The following IDO2 variants were observed in gnomAD, a reference collection of about 807,000 sequenced individuals.
The protein encoded by IDO2 is indoleamine 2,3-dioxygenase 2.
A neutral mutation model predicts 45.1 loss-of-function variants in IDO2; 46 were observed. The observed-to-expected ratio is 1.02, with a 90% CI of 0.80 to 1.30. The LOEUF is 1.30. IDO2 is among the 50% of genes most tolerant of loss of function. IDO2 has a pLI of 0.00. For missense variants in IDO2, 544 were observed against 491.8 expected (o/e 1.11, Z -1.00); for synonymous variants, 218 against 184.9 (o/e 1.18, Z -1.45).
At chr8:39,934,923 G>C in exon 1 of IDO2, 1 of 584,210 alleles carries the variant, frequency 1.7e-6, no homozygotes, top group Non-Finnish European at 3.1e-6. Context: ...TGTCTGCAAA[G>C]TTGAGTCCAT....
intron 8 of IDO2, among the ~76,000 whole-genome samples, chr8:40,004,529 A>AGATAGAT (rs1554549472): frequency 3.6e-4 from 51 of 141,628 alleles, no homozygotes; most frequent in Admixed American, 1.1e-3. Flanking sequence ...GACAGATGAT[A>AGATAGAT]GATAGATAGA....
intron 1 of IDO2, among the ~76,000 whole-genome samples, chr8:39,939,898 C>G (rs568025724): frequency 6.6e-6 from 1 of 152,098 alleles, no homozygotes; most frequent in Non-Finnish European, 1.5e-5. Context: ...AAATGAGGTC[C>G]TAAAAAGTTA....
At chr8:39,935,621 T>G (rs907192690) in intron 1 of IDO2, among the ~76,000 whole-genome samples, 1 of 152,168 alleles carries the variant, frequency 6.6e-6, no homozygotes, top group East Asian at 1.9e-4. Flanking sequence ...TGCTAATTTT[T>G]GTACTTTTAG....
Position 39,979,159 on chromosome 8 carries a change from G to A in IDO2, c.288G>A (p.Trp96Ter), listed in dbSNP as rs888513292. 5 of 1,598,238 alleles carry A rather than the reference G, an allele frequency of 3.1e-6. No individual in the cohort carries two copies. In the South Asian group the frequency reaches 4.6e-5, roughly 15 times the overall value. ...GCTTCCTCACCATGGGTTATGTCTG[G>A]CAGGAAGGAGAGGCGCAGCCTGCAG... The change falls in exon 4 of 11, where the codon TGG (tryptophan) becomes TGA (stop). Residue 96 changes from tryptophan (W) to a stop codon, truncating the protein, a stop_gained. Transcript: ENST00000502986. LOFTEE classifies it high-confidence loss of function.
At chr8:39,940,950 C>G (rs892985099) in intron 1 of IDO2, among the ~76,000 whole-genome samples, 1 of 141,470 alleles carries the variant, frequency 7.1e-6, no homozygotes, top group Non-Finnish European at 1.5e-5. Context: ...AAAACTTTGG[C>G]TGGGCGCGGT....
Position 39,944,737 on chromosome 8 carries a change from G to A in IDO2, c.-17-4412G>A, listed in dbSNP as rs374716163. ...TTAACTTTTTGCCTAATTTATTTCT[G>A]TAAAATTGTTTTAACTGGACCCCCC... On this transcript the variant is annotated intron_variant, in intron 1 of 10. Transcript: ENST00000502986. Among the ~76,000 whole-genome samples the A allele has an allele frequency of 2.3e-4, 35 of 152,110 alleles. No homozygotes were observed. The South Asian group carries it at 7.3e-3, about 32-fold the overall frequency.
Position 40,015,365 on chromosome 8 carries a change from G to A in IDO2, c.987G>A (p.Leu329=), listed in dbSNP as rs764718999. 9.3e-5 allele frequency: 150 copies of A among 1,613,840 alleles called. 2 individuals carry two copies. The East Asian group carries it at 3.3e-3, about 36-fold the overall frequency. The change falls in exon 11 of 11, where the codon TTG becomes TTA. Residue 329 remains leucine (L), a synonymous_variant. Coordinates refer to ENST00000502986, the Ensembl canonical transcript of IDO2. ...TCCTGTCATCTGGACAGGACCACTT[G>A]CTGACAGCTTATAACCAGTGTGTGC...
rs1807527526 is a variant in IDO2 at position 39,935,226 on chromosome 8, C to T, written c.-18+8C>T. The T allele has an allele frequency of 3.1e-6, 5 of 1,610,610 alleles. No homozygotes were observed. Among genetic ancestry groups the T allele is most frequent in the African/African-American group, 1.3e-5 (1 of 74,838 alleles). ...TGCATTTTCATTATTATGGTAAGTA[C>T]ACTGGTAACTTCTTTTCTAACCTCG... On this transcript the variant is annotated splice_region_variant and intron_variant, in intron 1 of 10. Coordinates refer to ENST00000502986, the Ensembl canonical transcript of IDO2.
chr8:39,962,645 G>A (rs564796205), intron 2 of IDO2, among the ~76,000 whole-genome samples: 13 of 152,248 alleles, frequency 8.5e-5, no homozygotes, highest in African/African-American at 3.1e-4. Flanking sequence ...GGAGTTCTCT[G>A]CAAAGAGAGG....
intron 9 of IDO2, 136 bp from the exon 10 acceptor site, chr8:40,013,429 G>A (rs1472124298): frequency 6.2e-6 from 5 of 808,290 alleles, no homozygotes; most frequent in Non-Finnish European, 9.9e-6. Flanking sequence ...ACCCTACAAA[G>A]ATACCCCCAA....
At chr8:39,995,795 G>T (rs1802033562) in intron 8 of IDO2, among the ~76,000 whole-genome samples, 1 of 136,354 alleles carries the variant, frequency 7.3e-6, no homozygotes. Context: ...GAGCTAAAGG[G>T]ACAGGGTGAG....
At chr8:39,943,957 C>A (rs1490890908) in intron 1 of IDO2, among the ~76,000 whole-genome samples, 1 of 151,954 alleles carries the variant, frequency 6.6e-6, no homozygotes, top group Non-Finnish European at 1.5e-5. Flanking sequence ...GTTGTCCTGG[C>A]ACAGAAGGAG....
intron 4 of IDO2, among the ~76,000 whole-genome samples, 172 bp from the exon 5 acceptor site, chr8:39,982,480 T>G (rs1808368743): frequency 6.6e-6 from 1 of 152,164 alleles, no homozygotes; most frequent in Non-Finnish European, 1.5e-5. Flanking sequence ...CACTGGGTCA[T>G]TAACAGAAAG....
intron 2 of IDO2, among the ~76,000 whole-genome samples, chr8:39,954,433 GCCACAAACAGTTGGGCTTAAAATA>G (rs1807858690): frequency 6.6e-6 from 1 of 152,104 alleles, no homozygotes; most frequent in Non-Finnish European, 1.5e-5. Context: ...TGTAACAGTA[GCCACAAACAGTTGGGCTTAAAATA>G]CCACAAACAG....
chr8:40,008,670 C>T (rs1312254880), intron 9 of IDO2, among the ~76,000 whole-genome samples: 1 of 152,240 alleles, frequency 6.6e-6, no homozygotes, highest in Non-Finnish European at 1.5e-5. Flanking sequence ...ATTGATTCTA[C>T]TTCTTCTCTA....
intron 4 of IDO2, among the ~76,000 whole-genome samples, chr8:39,981,447 C>G (rs1240368918): frequency 6.6e-6 from 1 of 152,066 alleles, no homozygotes; most frequent in Non-Finnish European, 1.5e-5. Flanking sequence ...CCTCTGCAAA[C>G]CATTATCCTA....
At chr8:39,987,511 G>T (rs1380445809) in intron 6 of IDO2, 1 of 174,324 alleles carries the variant, frequency 5.7e-6, no homozygotes, top group African/African-American at 2.4e-5. Flanking sequence ...GCAAAAAAAA[G>T]AGCATGGACT....
intron 5 of IDO2, chr8:39,985,202 T>C: frequency 2.4e-6 from 1 of 410,044 alleles, no homozygotes; most frequent in South Asian, 3.0e-5. Flanking sequence ...GTGCTAGGAT[T>C]ACAGGCATGA....
At chr8:39,943,034 G>C (rs1482422496) in intron 1 of IDO2, among the ~76,000 whole-genome samples, 1 of 152,154 alleles carries the variant, frequency 6.6e-6, no homozygotes, top group African/African-American at 2.4e-5. Flanking sequence ...TGCAAAATTG[G>C]TTAGATATTG....
Sources: allele counts gnomAD v4.1 joint callset (sites outside exome capture counted in the v4.1 genomes callset), GRCh38; gene constraint gnomAD v4.1.1; transcripts MANE v1.5; gene names NCBI Gene and HGNC (gene_info 2026-07-23, HGNC 2026-07-21).